Variants in CACNA1H observed in about 807,000 individuals in gnomAD.
CACNA1H encodes voltage-dependent T-type calcium channel subunit alpha-1H.
In CACNA1H, 149 loss-of-function variants were observed where a neutral mutation model predicts 192.5. That is an observed-to-expected ratio of 0.77 (90% CI 0.68 to 0.89). CACNA1H has a LOEUF of 0.89. Ranked by LOEUF, CACNA1H falls within the 40% of genes least tolerant of loss-of-function variation. The pLI, the probability that CACNA1H is intolerant of heterozygous loss-of-function variation, is 0.00. For synonymous variants in CACNA1H, 2,202 were observed against 1,475.2 expected (o/e 1.49, Z -11.29); for missense variants, 4,257 against 3,423.5 (o/e 1.24, Z -6.08).
At chr16:1,175,786 G>C (rs1216839137) in intron 2 of CACNA1H, among the ~76,000 whole-genome samples, 3 of 152,214 alleles carry the variant, frequency 2.0e-5, no homozygotes, top group Non-Finnish European at 4.4e-5. Context: ...TAGGTGGGCA[G>C]TGGGCGTTGC....
Position 1,221,294 on chromosome 16 carries a change from C to A in CACNA1H, c.*300C>A. On this transcript the variant is annotated 3_prime_UTR_variant, in exon 35 of 35. Coordinates refer to ENST00000348261, the MANE Select transcript of CACNA1H (RefSeq NM_021098.3). ...AGAAGCCGCGTCTGTGGGACGAAGA[C>A]CGGGCACCCGCCAGAGAGGGGAAGG... 1 of 416,598 alleles carries A rather than the reference C, an allele frequency of 2.4e-6. No individual in the cohort carries two copies. Among genetic ancestry groups the A allele is most frequent in the Non-Finnish European group, 4.2e-6 (1 of 235,484 alleles). 25.8% of individuals were successfully genotyped at this position (416,598 alleles called of 1,614,324 possible).
intron 10 of CACNA1H, 106 bp from the exon 11 acceptor site, chr16:1,205,008 G>A (rs1968502040): frequency 1.8e-6 from 1 of 550,244 alleles, no homozygotes. Context: ...CCCCAGATCA[G>A]TGCCGGGGAG....
Position 1,154,252 on chromosome 16 carries a change from C to T in CACNA1H, c.299+216C>T, listed in dbSNP as rs974426701. ...GGGCCACCGGGCGCCTCCGGACTCC[C>T]TTCCCCAGGGCCGGCTCCGGACGGA... On this transcript the variant is annotated intron_variant, in intron 2 of 34. Coordinates refer to ENST00000348261, the MANE Select transcript of CACNA1H (RefSeq NM_021098.3). 7.2e-5 allele frequency among the ~76,000 whole-genome samples: 11 copies of T among 152,172 alleles called. 1 individual carries two copies. Among genetic ancestry groups the T allele is most frequent in the Middle Eastern group, 3.4e-3 (1 of 294 alleles).
At chr16:1,210,301 C>T in intron 18 of CACNA1H, 69 bp from the exon 19 acceptor site, 2 of 1,396,450 alleles carry the variant, frequency 1.4e-6, no homozygotes, top group Non-Finnish European at 2.0e-6. Flanking sequence ...CAGGGCTGTC[C>T]TGCAACCCCC....
Position 1,195,971 on chromosome 16 carries a change from T to C in CACNA1H, c.591T>C (p.Ala197=), listed in dbSNP as rs768691180. The change falls in exon 5 of 35, where the codon GCT becomes GCC. Residue 197 remains alanine, a synonymous_variant. Coordinates refer to ENST00000348261, the MANE Select transcript of CACNA1H (RefSeq NM_021098.3). ...ACGGACACAACGTGAGCCTCTCGGC[T>C]ATCAGGACCGTGCGGGTGCTGCGGC... ...SLDGHNVSLS[A]IRTVRVLRPL... 1 of 1,613,086 alleles carries C rather than the reference T, an allele frequency of 6.2e-7. No homozygotes were observed. The highest frequency in any genetic ancestry group is 8.5e-7 in the Non-Finnish European group (1 of 1,179,840).
Position 1,219,058 on chromosome 16 carries a change from C to T in CACNA1H, c.5976C>T (p.Gly1992=), listed in dbSNP as rs367929249. 87 of 1,549,706 alleles carry T rather than the reference C, an allele frequency of 5.6e-5. No individual in the cohort carries two copies. The East Asian group carries it at 8.1e-4, about 14-fold the overall frequency. The stretch of plus-strand genomic sequence containing the variant: ...CTGTGTCGTCCCCAGCCAGGAGCGG[C>T]GAGCCCCTCCACGCCCTGTCCCCTC... ...PLAVSSPARS[G]EPLHALSPRG... is the part of the protein sequence containing the mutation. The change falls in exon 34 of 35, where the codon GGC becomes GGT. Residue 1992 remains glycine, a synonymous_variant. Transcript: ENST00000348261.
chr16:1,203,669 C>T (rs936625197), intron 9 of CACNA1H, among the ~76,000 whole-genome samples: 11 of 152,212 alleles, frequency 7.2e-5, no homozygotes, highest in African/African-American at 2.2e-4. Flanking sequence ...GAGAACTCTC[C>T]TCGCCTCTCC....
intron 23 of CACNA1H, 36 bp downstream of exon 23, chr16:1,211,642 C>T (rs367988119): frequency 3.1e-6 from 5 of 1,609,626 alleles, no homozygotes; most frequent in African/African-American, 2.7e-5. Flanking sequence ...TGGGGGTCTC[C>T]AGGACACCCT....
At chr16:1,219,462 G>T (rs1361860805) in intron 34 of CACNA1H, among the ~76,000 whole-genome samples, 1 of 152,064 alleles carries the variant, frequency 6.6e-6, no homozygotes, top group Non-Finnish European at 1.5e-5. Context: ...GGCCCACGGC[G>T]GGCAGATGGC....
chr16:1,169,180 G>A (rs1181905017), intron 2 of CACNA1H, among the ~76,000 whole-genome samples: 1 of 141,634 alleles, frequency 7.1e-6, no homozygotes, highest in Non-Finnish European at 1.6e-5. Flanking sequence ...GGGTGGGGGT[G>A]GGGGTGGGGC....
At position 1,180,452 on chromosome 16, in the gene CACNA1H, G is replaced by A. The variant is rs1234670129; in HGVS notation, c.300-14520G>A. 6.6e-6 allele frequency among the ~76,000 whole-genome samples: 1 copy of A among 152,174 alleles called. No homozygotes were observed. The highest frequency in any genetic ancestry group is 1.9e-4 in the East Asian group (1 of 5,176). ...GGTCTGAAGGGAAATCCCCAGTGGTGGGACTGGAGGTGCCGTGGAGGGTGG... is the reference window on the plus strand; with the variant it reads ...GGTCTGAAGGGAAATCCCCAGTGGTAGGACTGGAGGTGCCGTGGAGGGTGG... On this transcript the variant is annotated intron_variant, in intron 2 of 34. Coordinates refer to ENST00000348261, the MANE Select transcript of CACNA1H (RefSeq NM_021098.3). The surrounding 1 kb of genome is among the most constrained non-coding windows in gnomAD (Gnocchi z 4.4).
At chr16:1,186,277 T>C (rs1416423156) in intron 2 of CACNA1H, among the ~76,000 whole-genome samples, 2 of 151,920 alleles carry the variant, frequency 1.3e-5, no homozygotes, top group Non-Finnish European at 2.9e-5. Context: ...AATGCGCGGC[T>C]CCCTCGAGGT....
chr16:1,214,827 T>C, intron 27 of CACNA1H, 145 bp from the exon 28 acceptor site: 2 of 632,034 alleles, frequency 3.2e-6, no homozygotes, highest in Non-Finnish European at 5.7e-6. Context: ...CCGAAGAGGC[T>C]CCCGGTGCCC....
rs772150091 is a variant in CACNA1H at position 1,153,977 on chromosome 16, C to T, written c.240C>T (p.Phe80=). ...VPYPALAATV[F]FCLGQTTRPR... is the part of the protein sequence containing the mutation. ...ACCCGGCCTTGGCGGCCACGGTCTTCTTCTGCCTCGGTCAGACCACGCGGC... is the reference window on the plus strand; with the variant it reads ...ACCCGGCCTTGGCGGCCACGGTCTTTTTCTGCCTCGGTCAGACCACGCGGC... Residue 80 remains phenylalanine, a synonymous_variant, in exon 2 of 35, where the codon TTC becomes TTT. Coordinates refer to ENST00000348261, the MANE Select transcript of CACNA1H (RefSeq NM_021098.3). The T allele has an allele frequency of 1.6e-4, 233 of 1,449,702 alleles. 3 individuals are homozygous for T. The highest frequency in any genetic ancestry group is 1.4e-3 in the South Asian group (109 of 76,124). 89.8% of individuals were successfully genotyped at this position (1,449,702 alleles called of 1,614,324 possible).
chr16:1,185,075 C>T, intron 2 of CACNA1H, among the ~76,000 whole-genome samples: 1 of 152,238 alleles, frequency 6.6e-6, no homozygotes. Flanking sequence ...CCCGCTTTGT[C>T]TCTGGGTTTG....
Position 1,194,631 on chromosome 16 carries a change from C to T in CACNA1H, c.300-341C>T, listed in dbSNP as rs35198836. Among the ~76,000 whole-genome samples the T allele has an allele frequency of 0.21, 32,273 of 152,210 alleles. 3,911 individuals carry two copies. Among genetic ancestry groups the T allele is most frequent in the Non-Finnish European group, 0.27 (18,476 of 67,948 alleles). On this transcript the variant is annotated intron_variant, in intron 2 of 34. Coordinates refer to ENST00000348261, the MANE Select transcript of CACNA1H (RefSeq NM_021098.3). The stretch of plus-strand genomic sequence containing the variant: ...CCTGGGCCCCATGTGGGCAGCTAGG[C>T]CCTGGGAGTCTGAGTGGCCCTCACT...
rs750887213 is a variant in CACNA1H, at chr16:1,195,463, C to T, written c.443C>T (p.Ala148Val). Residue 148 changes from alanine (A) to valine (V), a missense_variant, in exon 4 of 35, where the codon GCG becomes GTG. Ala to Val is a moderately conservative substitution (Grantham distance 64). Transcript: ENST00000348261. ...AFDAFIFAFF[A>V]VEMVIKMVAL... Reference sequence around the variant, plus strand: ...GACGCCTTCATTTTCGCCTTTTTTGCGGTGGAGATGGTCATCAAGATGGTG... The same window carrying T: ...GACGCCTTCATTTTCGCCTTTTTTGTGGTGGAGATGGTCATCAAGATGGTG... 6 of 1,569,128 alleles carry T rather than the reference C, an allele frequency of 3.8e-6. No individual in the cohort carries two copies. The highest frequency in any genetic ancestry group is 1.2e-5 in the South Asian group (1 of 85,226).
chr16:1,199,421 T>C (rs1469547063), intron 6 of CACNA1H, among the ~76,000 whole-genome samples: 7 of 16,126 alleles, frequency 4.3e-4, no homozygotes, highest in African/African-American at 1.5e-3. Context: ...CCCACCCCCA[T>C]CATGGCTCCG....
intron 5 of CACNA1H, 24 bp downstream of exon 5, chr16:1,196,047 C>T: frequency 6.3e-7 from 1 of 1,584,924 alleles, no homozygotes. Flanking sequence ...CCCGACTGGG[C>T]TTGAGATCAA....
Sources: gnomAD v4.1 joint callset for allele counts (sites outside exome capture counted in the v4.1 genomes callset) on GRCh38, gnomAD v4.1.1 for gene constraint, Gnocchi (gnomAD v3.1) non-coding constraint, MANE v1.5 for transcripts, NCBI Gene and HGNC (gene_info 2026-07-23, HGNC 2026-07-21) for gene names.